The following ADAMTSL1 variants were observed in gnomAD, a reference collection of about 807,000 sequenced individuals.
The protein encoded by ADAMTSL1 is ADAMTS like 1.
Under a neutral mutation model 201.8 loss-of-function variants are expected in ADAMTSL1, and 126 were observed. That is an observed-to-expected ratio of 0.62 (90% CI 0.54 to 0.72). ADAMTSL1 has a LOEUF of 0.72. Ranked by LOEUF, ADAMTSL1 falls within the 30% of genes least tolerant of loss-of-function variation. The pLI is 0.00. For synonymous variants in ADAMTSL1, 1,121 were observed against 903.4 expected, an observed-to-expected ratio of 1.24 and a Z score of -4.32; for missense variants, 2,679 against 2,277.8, an observed-to-expected ratio of 1.18 and a Z score of -3.59.
At chr9:18,295,100 T>G (rs1833422624) in intron 2 of ADAMTSL1, among the ~76,000 whole-genome samples, 1 of 152,128 alleles carries the variant, frequency 6.6e-6, no homozygotes, top group Admixed American at 6.5e-5. Context: ...TTAATGTCCT[T>G]AGAAAGCATC....
In ADAMTSL1 at chr9:18,151,619, G is replaced by T. The variant is rs76932443; in HGVS notation, c.88-12243G>T. 6.9e-3 allele frequency among the ~76,000 whole-genome samples: 1,055 copies of T among 151,914 alleles called. 12 individuals are homozygous for T. The highest frequency in any genetic ancestry group is 0.025 in the African/African-American group (1,016 of 41,434). ...AACACAGTAGACATCCTAAGTTTAAGATACTTGTTCTTGGCCTTGCAGCAT... is the reference window on the plus strand; with the variant it reads ...AACACAGTAGACATCCTAAGTTTAATATACTTGTTCTTGGCCTTGCAGCAT... On this transcript the variant is annotated intron_variant, in intron 1 of 29. Coordinates refer to the ADAMTSL1 transcript ENST00000680146.
rs1820956297 is a variant in ADAMTSL1, at chr9:18,775,908, A to G, written c.2551+12A>G. On this transcript the variant is annotated intron_variant, in intron 18 of 28. Coordinates refer to ENST00000380548, the MANE Select transcript of ADAMTSL1 (RefSeq NM_001040272.6). ...GGCAACCTGTGCAAGTAAGTATGTC[A>G]GGGCTCTGGGAATGGGGAGATGAAA... is the stretch of plus-strand genomic sequence containing the variant. 1 of 1,583,052 alleles carries G rather than the reference A, an allele frequency of 6.3e-7. No individual in the cohort carries two copies. Among genetic ancestry groups the G allele is most frequent in the African/African-American group, 1.3e-5 (1 of 74,298 alleles).
intron 2 of ADAMTSL1, among the ~76,000 whole-genome samples, chr9:18,267,642 C>G (rs1334030380): frequency 6.6e-6 from 1 of 151,792 alleles, no homozygotes; most frequent in Non-Finnish European, 1.5e-5. Flanking sequence ...GATAAGTGTT[C>G]TAATTGTAAA....
At chr9:17,975,868 C>T (rs886664366) in intron 1 of ADAMTSL1, among the ~76,000 whole-genome samples, 4 of 152,030 alleles carry the variant, frequency 2.6e-5, no homozygotes, top group Non-Finnish European at 5.9e-5. Flanking sequence ...TGATATTTAA[C>T]TGTTTATCTA....
At chr9:18,085,120 A>G (rs1447074042) in intron 1 of ADAMTSL1, among the ~76,000 whole-genome samples, 2 of 152,136 alleles carry the variant, frequency 1.3e-5, no homozygotes, top group Non-Finnish European at 2.9e-5. Context: ...ACTGGAGTGG[A>G]CTGAACATGG....
At chr9:18,637,536 C>G (rs572339942) in intron 6 of ADAMTSL1, among the ~76,000 whole-genome samples, 1 of 152,246 alleles carries the variant, frequency 6.6e-6, no homozygotes, top group East Asian at 1.9e-4. Context: ...CACAAAGAAG[C>G]TGAAGAATTG....
chr9:18,274,401 C>G (rs1042256850), intron 2 of ADAMTSL1, among the ~76,000 whole-genome samples: 1 of 152,020 alleles, frequency 6.6e-6, no homozygotes, highest in Non-Finnish European at 1.5e-5. Context: ...ATATTTCTTT[C>G]CCCCAAATAA....
intron 15 of ADAMTSL1, among the ~76,000 whole-genome samples, chr9:18,735,876 A>C (rs1314766304): frequency 1.4e-5 from 2 of 143,306 alleles, no homozygotes. Flanking sequence ...TGATGCACTT[A>C]CTGGGGAAAT....
In ADAMTSL1 at chr9:18,674,233, T is replaced by C. The variant is rs964356867; in HGVS notation, c.1086-1624T>C. Among the ~76,000 whole-genome samples, 12 of 123,964 alleles carry C rather than the reference T, an allele frequency of 9.7e-5. 1 individual carries two copies. Among genetic ancestry groups the C allele is most frequent in the African/African-American group, 2.0e-4 (7 of 35,856 alleles). 81.3% of individuals were successfully genotyped at this position (123,964 alleles called of 152,430 possible). ...ACACACACACACACAAACACACACA[T>C]CATGAAAATTTTCTCACACAAATGA... is the stretch of plus-strand genomic sequence containing the variant. On this transcript the variant is annotated intron_variant, in intron 9 of 28. Transcript: ENST00000380548.
chr9:18,167,537 A>C (rs566039370), intron 2 of ADAMTSL1, among the ~76,000 whole-genome samples: 14 of 152,090 alleles, frequency 9.2e-5, no homozygotes, highest in African/African-American at 2.6e-4. Context: ...AAATAAAAAA[A>C]TGCAATTTAC....
intron 2 of ADAMTSL1, among the ~76,000 whole-genome samples, chr9:18,177,653 A>G (rs909074915): frequency 2.0e-5 from 3 of 152,156 alleles, no homozygotes; most frequent in Admixed American, 6.5e-5. Context: ...CATTACACCT[A>G]TATTCCAGCC....
chr9:18,533,232 C>G lies in ADAMTSL1; in HGVS notation c.192-15C>G. On this transcript the variant is annotated splice_polypyrimidine_tract_variant and intron_variant, in intron 2 of 28. Transcript: ENST00000380548. ...TCATAAGTAGTAATATTTCTTTTTT[C>G]TTTTTGCAACTTAGGAGCTGTGAAG... 2 of 1,596,594 alleles carry G rather than the reference C, an allele frequency of 1.3e-6. No individual in the cohort carries two copies. Among genetic ancestry groups the G allele is most frequent in the Non-Finnish European group, 1.7e-6 (2 of 1,172,676 alleles).
At chr9:18,766,421 G>T (rs10123503) in intron 16 of ADAMTSL1, among the ~76,000 whole-genome samples, 7,030 of 152,242 alleles carry the variant, frequency 0.046, 567 homozygotes, top group African/African-American at 0.16. Context: ...GTGGAGAATA[G>T]AGTGTAGAGA....
chr9:18,288,153 T>A (rs1378472304), intron 2 of ADAMTSL1, among the ~76,000 whole-genome samples: 10 of 152,028 alleles, frequency 6.6e-5, no homozygotes, highest in Non-Finnish European at 1.3e-4. Context: ...AATGAAACCT[T>A]ATATCACATT....
intron 1 of ADAMTSL1, among the ~76,000 whole-genome samples, chr9:18,053,828 G>A (rs1258015257): frequency 1.3e-5 from 2 of 152,136 alleles, no homozygotes; most frequent in Non-Finnish European, 2.9e-5. Flanking sequence ...GGTAACTCTT[G>A]GTGTGTATCG....
intron 1 of ADAMTSL1, among the ~76,000 whole-genome samples, chr9:18,070,217 C>T (rs557712875): frequency 4.6e-5 from 7 of 152,212 alleles, no homozygotes; most frequent in South Asian, 2.1e-4. Context: ...AGGAGAGCAC[C>T]GTCTAGTGAA....
At chr9:18,723,021 C>T (rs1051039872) in intron 15 of ADAMTSL1, 2 of 779,706 alleles carry the variant, frequency 2.6e-6, no homozygotes, top group Non-Finnish European at 4.8e-6. Flanking sequence ...TAGGAAGAAG[C>T]AGTATCGACT....
At chr9:18,786,975 A>G (rs1821745016) in intron 19 of ADAMTSL1, among the ~76,000 whole-genome samples, 1 of 152,216 alleles carries the variant, frequency 6.6e-6, no homozygotes, top group African/African-American at 2.4e-5. Context: ...AGCAGATGGA[A>G]ACTTCTCAGA....
intron 1 of ADAMTSL1, among the ~76,000 whole-genome samples, chr9:18,151,250 A>C (rs1189325536): frequency 2.0e-5 from 3 of 152,082 alleles, no homozygotes; most frequent in Non-Finnish European, 2.9e-5. Flanking sequence ...AAACCTTTAC[A>C]CAACTGTAAT....
Sources: gnomAD v4.1 joint callset for allele counts (sites outside exome capture counted in the v4.1 genomes callset) on GRCh38, gnomAD v4.1.1 for gene constraint, MANE v1.5 for transcripts, NCBI Gene and HGNC (gene_info 2026-07-23, HGNC 2026-07-21) for gene names.